The following KIFC3 variants were observed in gnomAD, a reference collection of about 807,000 sequenced individuals.
The protein encoded by KIFC3 is kinesin family member C3, also known as kinesin-like protein KIFC3.
KIFC3 carries 60 observed loss-of-function variants against 101.8 expected under a neutral mutation model. The observed-to-expected ratio is 0.59, with a 90% CI of 0.48 to 0.73. KIFC3 has a LOEUF of 0.73. Ranked by LOEUF, KIFC3 falls within the 30% of genes least tolerant of loss-of-function variation. The probability of loss-of-function intolerance (pLI) is 0.00; values close to 1 mark genes in which losing one functional copy is unlikely to be tolerated. For synonymous variants in KIFC3, 476 were observed against 482.7 expected (o/e 0.99, Z 0.18); for missense variants, 966 against 1,137.1 (o/e 0.85, Z 2.16).
intron 1 of KIFC3, among the ~76,000 whole-genome samples, chr16:57,832,807 C>T (rs2055611019): frequency 6.6e-6 from 1 of 152,180 alleles, no homozygotes. Context: ...CACCCCTACT[C>T]CTCACTCACA....
chr16:57,760,716 A>G lies in KIFC3; in HGVS notation c.2232+10T>C, dbSNP rs782333238. 3.1e-6 allele frequency: 5 copies of G among 1,611,438 alleles called. No individual in the cohort carries two copies. Among genetic ancestry groups the G allele is most frequent in the East Asian group, 4.5e-5 (2 of 44,864 alleles). ...CTAGGGACTGGCCCGCCCTAACCCA[A>G]GGTCCTCACCTGTACCACCATGAGG... On this transcript the variant is annotated intron_variant, in intron 16 of 19. Transcript: ENST00000445690.
rs552157232 is a variant in KIFC3 at position 57,795,033 on chromosome 16, G to A, written c.281C>T (p.Pro94Leu). 1.1e-4 allele frequency: 169 copies of A among 1,597,734 alleles called. No individual in the cohort carries two copies. Among genetic ancestry groups the A allele is most frequent in the Non-Finnish European group, 1.4e-4 (162 of 1,174,354 alleles). Reference sequence around the variant, plus strand: ...CAGGTAGAGCCCGTGGGGGCTTCCGGGGCCAGCCCAGTCCACGCTAAGGGC... The same window carrying A: ...CAGGTAGAGCCCGTGGGGGCTTCCGAGGCCAGCCCAGTCCACGCTAAGGGC... ...CRALSVDWAG[P>L]GSPHGLYLTL... The change falls in exon 3 of 20, where the codon CCC becomes CTC. Residue 94 changes from proline (P) to leucine (L), a missense_variant. Around this residue, in one of 2 missense-constraint regions of KIFC3, gnomAD observed 277 missense variants for 252.5 expected, o/e 1.10. Transcript: ENST00000445690.
At chr16:57,767,012 G>T (rs782807834) in intron 9 of KIFC3, 27 bp from the exon 10 acceptor site, 23 of 1,582,190 alleles carry the variant, frequency 1.5e-5, no homozygotes, top group Non-Finnish European at 1.8e-5. Context: ...ACCACTGTCA[G>T]GGGGACGGCT....
At chr16:57,776,683 G>A (rs1598012706) in intron 3 of KIFC3, 1 of 152,416 alleles carries the variant, frequency 6.6e-6, no homozygotes, top group African/African-American at 2.4e-5. Context: ...TAGGTGTTCA[G>A]TAAGTACCTG....
At chr16:57,793,300 CAT>C (rs1434495911) in intron 3 of KIFC3, among the ~76,000 whole-genome samples, 1 of 140,078 alleles carries the variant, frequency 7.1e-6, no homozygotes, top group Non-Finnish European at 1.6e-5. Context: ...AAAAAAAAAT[CAT>C]ATAAATATGG....
chr16:57,817,097 G>A (rs1042674743), intron 1 of KIFC3, among the ~76,000 whole-genome samples: 2 of 152,148 alleles, frequency 1.3e-5, no homozygotes, highest in Non-Finnish European at 2.9e-5. Context: ...GGTGGCTCAC[G>A]CCTGTAATCC....
chr16:57,785,776 A>T, intron 3 of KIFC3: 1 of 533,148 alleles, frequency 1.9e-6, no homozygotes, highest in Non-Finnish European at 2.7e-6. Context: ...GTGCAAGCAG[A>T]GGGGGTGGGC....
intron 14 of KIFC3, 59 bp downstream of exon 14, chr16:57,761,354 A>G (rs574630107): frequency 4.4e-5 from 71 of 1,610,102 alleles, no homozygotes; most frequent in Non-Finnish European, 3.6e-5. Flanking sequence ...GCCTACATTC[A>G]AACCCAGTTG....
At chr16:57,815,179 G>A (rs781934955) in intron 1 of KIFC3, among the ~76,000 whole-genome samples, 14 of 152,096 alleles carry the variant, frequency 9.2e-5, no homozygotes, top group Non-Finnish European at 1.2e-4. Flanking sequence ...CATCAGCCCT[G>A]TCTCTACCCA....
At chr16:57,823,190 C>A (rs997675122) in intron 1 of KIFC3, among the ~76,000 whole-genome samples, 1 of 152,172 alleles carries the variant, frequency 6.6e-6, no homozygotes, top group East Asian at 1.9e-4. Context: ...GTCTCTACAA[C>A]CCCTTATCAT....
intron 1 of KIFC3, among the ~76,000 whole-genome samples, chr16:57,825,553 C>T (rs987885452): frequency 7.2e-5 from 11 of 152,242 alleles, no homozygotes; most frequent in Admixed American, 4.6e-4. Context: ...AGAGTGGCAG[C>T]TGCCCACCCA....
At chr16:57,847,938 A>G (rs1419225753) in intron 1 of KIFC3, among the ~76,000 whole-genome samples, 6 of 151,790 alleles carry the variant, frequency 4.0e-5, no homozygotes, top group South Asian at 2.1e-4. Context: ...GGCGCACCCC[A>G]CCACATCTGG....
At chr16:57,765,314 G>A in intron 11 of KIFC3, 145 bp downstream of exon 11, 1 of 765,286 alleles carries the variant, frequency 1.3e-6, no homozygotes. Context: ...GTCCTCCAGA[G>A]GAAGGAGCAG....
At chr16:57,844,434 GAAAA>G (rs66460592) in intron 1 of KIFC3, among the ~76,000 whole-genome samples, 2 of 117,976 alleles carry the variant, frequency 1.7e-5, no homozygotes, top group Non-Finnish European at 1.7e-5. Context: ...CAGTCTCAGG[GAAAA>G]AAAAAAAAAA....
At chr16:57,776,259 G>C (rs2052064019) in intron 3 of KIFC3, 2 of 985,380 alleles carry the variant, frequency 2.0e-6, no homozygotes, top group East Asian at 2.3e-4. Flanking sequence ...ACTCAGCCCA[G>C]AGGCCAGCGG....
chr16:57,856,719 C>A (rs1019890041), intron 1 of KIFC3, among the ~76,000 whole-genome samples: 7 of 152,024 alleles, frequency 4.6e-5, no homozygotes, highest in Admixed American at 2.0e-4. Flanking sequence ...ATAATAAAGA[C>A]CTCACAGATG....
At chr16:57,770,721 G>A in intron 6 of KIFC3, 21 bp from the exon 7 acceptor site, 1 of 1,426,326 alleles carries the variant, frequency 7.0e-7, no homozygotes, top group Non-Finnish European at 9.2e-7. Flanking sequence ...AGGGAGGAAT[G>A]GCACGTGGAG....
intron 1 of KIFC3, among the ~76,000 whole-genome samples, chr16:57,813,135 C>T (rs2149262877): frequency 6.6e-6 from 1 of 152,216 alleles, no homozygotes; most frequent in Middle Eastern, 3.4e-3. Context: ...CGAGACCAGC[C>T]TGCTCAACAT....
At chr16:57,813,026 C>T (rs1258543971) in intron 1 of KIFC3, among the ~76,000 whole-genome samples, 1 of 152,126 alleles carries the variant, frequency 6.6e-6, no homozygotes, top group Non-Finnish European at 1.5e-5. Context: ...AGGCAACTTG[C>T]TGTTGAAAAA....
Sources: gnomAD v4.1 joint callset for allele counts (sites outside exome capture counted in the v4.1 genomes callset) on GRCh38, gnomAD v4.1.1 for gene constraint, gnomAD v4.1.1 regional missense constraint, MANE v1.5 for transcripts, NCBI Gene and HGNC (gene_info 2026-07-23, HGNC 2026-07-21) for gene names.